Variants in ACTR3 observed in about 807,000 individuals in gnomAD.
ACTR3 encodes the protein actin-related protein 3.
Under a neutral mutation model 56.8 loss-of-function variants are expected in ACTR3, and 12 were observed. The ratio of observed to expected loss-of-function variants is 0.21; its 90% CI spans 0.14 to 0.34. The LOEUF (loss-of-function observed/expected upper bound fraction) is 0.34. Among genes scored for constraint, ACTR3 ranks in the 10% least tolerant of loss-of-function variants. The pLI is 1.00. For synonymous variants in ACTR3, 162 were observed against 167.4 expected (o/e 0.97, Z 0.25); for missense variants, 282 against 512.5 (o/e 0.55, Z 4.34).
intron 1 of ACTR3, among the ~76,000 whole-genome samples, chr2:113,895,355 C>T (rs1678986969): frequency 1.3e-5 from 2 of 152,112 alleles, no homozygotes; most frequent in South Asian, 4.1e-4. Flanking sequence ...ATGGCAGAGC[C>T]ACTACACTAG....
chr2:113,898,582 C>T (rs1189919977), intron 1 of ACTR3, among the ~76,000 whole-genome samples: 1 of 152,148 alleles, frequency 6.6e-6, no homozygotes, highest in Non-Finnish European at 1.5e-5. Flanking sequence ...AATGCAGAGG[C>T]ATACTGTATG....
rs375902041 is a variant in ACTR3 at position 113,955,632 on chromosome 2, A to G, written c.1087A>G (p.Ile363Val). ...LSGGRLKPKP[I>V]DVQVITHHMQ... is the part of the protein sequence containing the mutation. Reference sequence around the variant, plus strand: ...CTATGTCTTTCTTTAGCCAAAACCTATTGATGTACAAGTCATTACACACCA... The same window carrying G: ...CTATGTCTTTCTTTAGCCAAAACCTGTTGATGTACAAGTCATTACACACCA... The change falls in exon 11 of 12, where the codon ATT (isoleucine) becomes GTT (valine). Residue 363 changes from isoleucine to valine, a missense_variant. Ile to Val is a conservative substitution (Grantham distance 29, BLOSUM62 3). Coordinates refer to ENST00000263238, the MANE Select transcript of ACTR3 (RefSeq NM_005721.5). The G allele has an allele frequency of 2.2e-5, 35 of 1,611,862 alleles. No individual in the cohort carries two copies. The highest frequency in any genetic ancestry group is 3.0e-5 in the Non-Finnish European group (35 of 1,178,508).
intron 3 of ACTR3, among the ~76,000 whole-genome samples, chr2:113,925,611 C>T (rs1679605602): frequency 6.6e-6 from 1 of 152,152 alleles, no homozygotes; most frequent in Admixed American, 6.5e-5. Context: ...GTGCCAGTGG[C>T]TTACAGTAGG....
intron 1 of ACTR3, among the ~76,000 whole-genome samples, chr2:113,908,222 A>T (rs758143224): frequency 7.9e-5 from 12 of 150,966 alleles, no homozygotes; most frequent in Non-Finnish European, 1.8e-4. Flanking sequence ...TAAAAAGTTC[A>T]TATGTCAAAT....
chr2:113,891,052 C>T (rs1381270123), intron 1 of ACTR3, among the ~76,000 whole-genome samples: 3 of 152,162 alleles, frequency 2.0e-5, no homozygotes, highest in African/African-American at 7.2e-5. Flanking sequence ...TTAGTTTTGT[C>T]AAAGCCGCTT....
chr2:113,945,996 A>G (rs1391069919), intron 8 of ACTR3, among the ~76,000 whole-genome samples: 1 of 152,208 alleles, frequency 6.6e-6, no homozygotes, highest in Non-Finnish European at 1.5e-5. Flanking sequence ...ATAGCTGCAT[A>G]GTATTCCATG....
chr2:113,908,687 G>GT (rs1314538878), intron 1 of ACTR3, among the ~76,000 whole-genome samples: 5 of 151,006 alleles, frequency 3.3e-5, no homozygotes, highest in East Asian at 1.9e-4. Context: ...ACTTTGACTT[G>GT]TTTTTTTTAA....
chr2:113,890,593 C>A (rs972570793), intron 1 of ACTR3: 7 of 1,341,368 alleles, frequency 5.2e-6, no homozygotes, highest in Non-Finnish European at 6.7e-6. Context: ...CCCGGCCCTT[C>A]CCCCACTACG....
chr2:113,949,377 C>CAAAAAAAAA (rs1167037648), intron 8 of ACTR3, among the ~76,000 whole-genome samples: 2 of 57,716 alleles, frequency 3.5e-5, no homozygotes, highest in Admixed American at 2.0e-4. Context: ...GACTCGGTCT[C>CAAAAAAAAA]AAAAAAAAAA....
At chr2:113,926,849 C>T (rs1372775335) in intron 3 of ACTR3, among the ~76,000 whole-genome samples, 1 of 152,178 alleles carries the variant, frequency 6.6e-6, no homozygotes, top group East Asian at 1.9e-4. Flanking sequence ...GACTCTTAAA[C>T]ATTTATAAAA....
At chr2:113,955,573 G>A in intron 10 of ACTR3, 50 bp from the exon 11 acceptor site, 1 of 1,321,138 alleles carries the variant, frequency 7.6e-7, no homozygotes, top group Non-Finnish European at 1.1e-6. Context: ...TGACACAGAA[G>A]TTGTTATTTG....
intron 4 of ACTR3, among the ~76,000 whole-genome samples, chr2:113,929,764 C>T (rs987177406): frequency 2.0e-5 from 3 of 152,030 alleles, no homozygotes; most frequent in African/African-American, 4.8e-5. Flanking sequence ...GAAACCTCCC[C>T]GCCTCCCAGG....
At position 113,957,642 on chromosome 2, in the gene ACTR3, T is replaced by C. The variant is rs1559495650; in HGVS notation, c.*187T>C. 2.1e-6 allele frequency: 1 copy of C among 473,698 alleles called. No homozygotes were observed. The highest frequency in any genetic ancestry group is 3.0e-5 in the East Asian group (1 of 33,270). The allele number at this position is 473,698 out of a possible 1,614,324, so 29.3% of individuals were successfully genotyped here. A position where few individuals can be genotyped will look rare whatever the true frequency, so the allele number is the denominator to read the frequency against. On this transcript the variant is annotated 3_prime_UTR_variant, in exon 12 of 12. Transcript: ENST00000263238. ...AGATGTAGAAGAGAGCGAAAGTGAT[T>C]GTGTTTTTCTTTAGATTGAATATTT...
intron 1 of ACTR3, among the ~76,000 whole-genome samples, chr2:113,891,838 CTT>C (rs1218843406): frequency 6.6e-6 from 1 of 152,054 alleles, no homozygotes; most frequent in East Asian, 1.9e-4. Context: ...TTGATGAACA[CTT>C]TATTTAAAAG....
chr2:113,938,512 A>G (rs914765240), intron 6 of ACTR3, among the ~76,000 whole-genome samples: 1 of 152,214 alleles, frequency 6.6e-6, no homozygotes, highest in Non-Finnish European at 1.5e-5. Flanking sequence ...GCAGGTCCGT[A>G]ACAGGTTTTT....
chr2:113,948,706 CTG>C (rs978510396), intron 8 of ACTR3, among the ~76,000 whole-genome samples: 6 of 152,134 alleles, frequency 3.9e-5, no homozygotes, highest in Non-Finnish European at 7.3e-5. Flanking sequence ...CATTAATAAA[CTG>C]TTTGCTTAGT....
At chr2:113,931,182 TAA>T (rs1679717604) in intron 4 of ACTR3, 117 bp from the exon 5 acceptor site, 1 of 592,950 alleles carries the variant, frequency 1.7e-6, no homozygotes, top group African/African-American at 1.9e-5. Flanking sequence ...TTTCTACTTG[TAA>T]ATTTAATGCA....
At chr2:113,941,220 G>C (rs1425560165) in intron 7 of ACTR3, among the ~76,000 whole-genome samples, 1 of 152,156 alleles carries the variant, frequency 6.6e-6, no homozygotes, top group Non-Finnish European at 1.5e-5. Flanking sequence ...CCCCAAGTTG[G>C]TGGCATAAGA....
chr2:113,933,836 C>T (rs1679769938), intron 5 of ACTR3: 1 of 161,084 alleles, frequency 6.2e-6, no homozygotes, highest in Admixed American at 6.5e-5. Flanking sequence ...CCCGCCACCG[C>T]ACCTGGCTAA....
Sources: gnomAD v4.1 joint callset for allele counts (sites outside exome capture counted in the v4.1 genomes callset) on GRCh38, gnomAD v4.1.1 for gene constraint, MANE v1.5 for transcripts, NCBI Gene and HGNC (gene_info 2026-07-23, HGNC 2026-07-21) for gene names.